The following RFWD3 variants were observed in gnomAD, a reference collection of about 807,000 sequenced individuals.
The protein encoded by RFWD3 is E3 ubiquitin-protein ligase RFWD3.
Under a neutral mutation model 87.7 loss-of-function variants are expected in RFWD3, and 65 were observed. The observed-to-expected ratio is 0.74, with a 90% CI of 0.61 to 0.91. RFWD3 has a LOEUF of 0.91. Among genes scored for constraint, RFWD3 ranks in the 40% least tolerant of loss-of-function variants. The pLI, the probability that RFWD3 is intolerant of heterozygous loss-of-function variation, is 0.00. For synonymous variants in RFWD3, 433 were observed against 352.8 expected (o/e 1.23, Z -2.55); for missense variants, 1,078 against 938.5 (o/e 1.15, Z -1.94).
At chr16:74,664,117 G>A (rs1233885866) in intron 1 of RFWD3, among the ~76,000 whole-genome samples, 1 of 152,174 alleles carries the variant, frequency 6.6e-6, no homozygotes, top group Non-Finnish European at 1.5e-5. Context: ...GATACTTCAA[G>A]TTTTAAACAT....
At chr16:74,646,902 C>CTCAACAACAACAACAACAACAACA in intron 4 of RFWD3, among the ~76,000 whole-genome samples, 1 of 140,250 alleles carries the variant, frequency 7.1e-6, no homozygotes, top group East Asian at 2.1e-4. Flanking sequence ...GAAACCCCGT[C>CTCAACAACAACAACAACAACAACA]TCAACAACAA....
At chr16:74,659,295 C>G (rs1199028688) in intron 2 of RFWD3, among the ~76,000 whole-genome samples, 1 of 152,180 alleles carries the variant, frequency 6.6e-6, no homozygotes, top group Non-Finnish European at 1.5e-5. Flanking sequence ...CCTGGAAACA[C>G]CACTCACAAC....
intron 1 of RFWD3, among the ~76,000 whole-genome samples, chr16:74,662,621 C>A (rs1195538012): frequency 1.3e-5 from 2 of 152,160 alleles, no homozygotes; most frequent in African/African-American, 4.8e-5. Context: ...GCTGGCTATG[C>A]AAAGAGCCAA....
chr16:74,659,691 G>C (rs750533449), intron 2 of RFWD3, among the ~76,000 whole-genome samples: 1 of 152,048 alleles, frequency 6.6e-6, no homozygotes. Context: ...ACAGACACTG[G>C]AGCCACAGTC....
At chr16:74,630,688 C>T in intron 10 of RFWD3, 93 bp downstream of exon 10, 1 of 1,108,496 alleles carries the variant, frequency 9.0e-7, no homozygotes, top group Non-Finnish European at 1.2e-6. Flanking sequence ...GGATTTCTGA[C>T]TAACTGTGGA....
intron 2 of RFWD3, among the ~76,000 whole-genome samples, chr16:74,660,407 T>G (rs562064986): frequency 6.6e-6 from 1 of 152,160 alleles, no homozygotes; most frequent in African/African-American, 2.4e-5. Context: ...GAGCAAAGAT[T>G]GTGCCACGGG....
chr16:74,635,339 C>T (rs1959186277), intron 8 of RFWD3, among the ~76,000 whole-genome samples: 1 of 151,624 alleles, frequency 6.6e-6, no homozygotes, highest in Non-Finnish European at 1.5e-5. Flanking sequence ...TGGTGGCATG[C>T]ACCCGTAGTC....
Position 74,628,642 on chromosome 16 carries a change from G to A in RFWD3, c.1779C>T (p.Tyr593=), listed in dbSNP as rs2144041399. The A allele has an allele frequency of 6.2e-7, 1 of 1,614,152 alleles. No individual in the cohort carries two copies. The highest frequency in any genetic ancestry group is 2.2e-5 in the East Asian group (1 of 44,884). Reference sequence around the variant, plus strand: ...ATGCAGCTGAGGCAGCTCTGGGCATGTATGACAGGGAGACCAGTGGGCATC... The same window carrying A: ...ATGCAGCTGAGGCAGCTCTGGGCATATATGACAGGGAGACCAGTGGGCATC... ...KARCPLVSLS[Y]MPRAASAAFP... is the part of the protein sequence containing the mutation. The change falls in exon 11 of 13, where the codon TAC becomes TAT. Residue 593 remains tyrosine (Y), a synonymous_variant. Coordinates refer to ENST00000361070, the MANE Select transcript of RFWD3 (RefSeq NM_018124.4).
At chr16:74,640,831 C>G (rs557059192) in intron 6 of RFWD3, among the ~76,000 whole-genome samples, 1 of 151,912 alleles carries the variant, frequency 6.6e-6, no homozygotes, top group African/African-American at 2.4e-5. Flanking sequence ...CTCAGCTACT[C>G]GTAAGGCTGA....
At chr16:74,648,034 C>A (rs904658320) in intron 4 of RFWD3, among the ~76,000 whole-genome samples, 2 of 152,136 alleles carry the variant, frequency 1.3e-5, no homozygotes, top group Non-Finnish European at 2.9e-5. Flanking sequence ...GAAGCCTTGA[C>A]CTCCCAGGCT....
chr16:74,652,006 C>T lies in RFWD3; in HGVS notation c.635G>A (p.Ser212Asn). The T allele has an allele frequency of 2.5e-6, 4 of 1,614,108 alleles. No individual in the cohort carries two copies. Among genetic ancestry groups the T allele is most frequent in the Non-Finnish European group, 8.5e-7 (1 of 1,180,002 alleles). Residue 212 changes from serine to asparagine, a missense_variant, in exon 3 of 13, where the codon AGT (serine) becomes AAT (asparagine). Physicochemically the swap from Ser to Asn is conservative, Grantham distance 46. Coordinates refer to ENST00000361070, the MANE Select transcript of RFWD3 (RefSeq NM_018124.4). Reference sequence around the variant, plus strand: ...GCTGTCACTGTCAGAATCAGAACTACTAGACACCTGCAACTCTTCAGATAC... The same window carrying T: ...GCTGTCACTGTCAGAATCAGAACTATTAGACACCTGCAACTCTTCAGATAC... The part of the protein sequence containing the change: ...NPVSEELQVS[S>N]SSDSDSDSSA...
chr16:74,653,867 C>T (rs1428725037), intron 2 of RFWD3, among the ~76,000 whole-genome samples: 4 of 152,182 alleles, frequency 2.6e-5, no homozygotes, highest in Non-Finnish European at 4.4e-5. Context: ...ATAAACACTA[C>T]TCAGTGTCCA....
chr16:74,622,940 A>G lies in RFWD3; in HGVS notation c.*988T>C, dbSNP rs1958810981. 1 of 152,158 alleles carries G rather than the reference A, an allele frequency of 6.6e-6. No homozygotes were observed. Among genetic ancestry groups the G allele is most frequent in the Non-Finnish European group, 1.5e-5 (1 of 68,026 alleles). 9.4% of individuals were successfully genotyped at this position (152,158 alleles called of 1,614,324 possible). A position where few individuals can be genotyped will look rare whatever the true frequency, so the allele number is the denominator to read the frequency against. On this transcript the variant is annotated 3_prime_UTR_variant, in exon 13 of 13. Transcript: ENST00000361070. ...AGGAATTGGCTTTATTTAGATAGGAACTCTCAAAATGGGAGACAAGTTCTT... is the reference window on the plus strand; with the variant it reads ...AGGAATTGGCTTTATTTAGATAGGAGCTCTCAAAATGGGAGACAAGTTCTT...
At chr16:74,640,651 A>T (rs1013701229) in intron 6 of RFWD3, among the ~76,000 whole-genome samples, 17 of 150,440 alleles carry the variant, frequency 1.1e-4, no homozygotes, top group African/African-American at 2.7e-4. Context: ...TTTAAAAAAA[A>T]TTTTTTGGCC....
At chr16:74,650,177 A>G (rs986025840) in intron 3 of RFWD3, among the ~76,000 whole-genome samples, 2 of 152,190 alleles carry the variant, frequency 1.3e-5, no homozygotes, top group African/African-American at 4.8e-5. Context: ...TCCCTTCACA[A>G]TATGTTAAAT....
Position 74,660,955 on chromosome 16 carries a change from C to A in RFWD3, c.495G>T (p.Gly165=), listed in dbSNP as rs1391018565. ...VSASRRARAG[G]SQRTDSARLR... ...ACCTGGCACTGTCTGTCCTCTGAGA[C>A]CCTCCGGCTCTTGCCCTCCGTGAAG... Residue 165 remains glycine, a synonymous_variant, in exon 2 of 13, where the codon GGG becomes GGT. Transcript: ENST00000361070. 6.2e-7 allele frequency: 1 copy of A among 1,613,608 alleles called. No homozygotes were observed. Among genetic ancestry groups the A allele is most frequent in the Non-Finnish European group, 8.5e-7 (1 of 1,179,648 alleles).
chr16:74,655,354 CTCAGCCTCCCGAG>C (rs1240951441), intron 2 of RFWD3, among the ~76,000 whole-genome samples: 2 of 151,982 alleles, frequency 1.3e-5, no homozygotes, highest in Non-Finnish European at 2.9e-5. Context: ...ATTCTCCTGC[CTCAGCCTCCCGAG>C]TAGCTGGGAC....
At chr16:74,638,328 T>C (rs568400636) in intron 6 of RFWD3, among the ~76,000 whole-genome samples, 3 of 152,022 alleles carry the variant, frequency 2.0e-5, no homozygotes, top group Non-Finnish European at 4.4e-5. Context: ...TGGTTGTTCA[T>C]GAGATACTCA....
chr16:74,656,308 C>CACA (rs1169757154), intron 2 of RFWD3, among the ~76,000 whole-genome samples: 9 of 64,228 alleles, frequency 1.4e-4, no homozygotes, highest in African/African-American at 6.8e-4. Flanking sequence ...CTTGTCTTGC[C>CACA]AAAAAAAAAA....
Sources: allele counts gnomAD v4.1 joint callset (sites outside exome capture counted in the v4.1 genomes callset), GRCh38; gene constraint gnomAD v4.1.1; transcripts MANE v1.5; gene names NCBI Gene and HGNC (gene_info 2026-07-23, HGNC 2026-07-21).